Variants in RAD51B observed in about 807,000 individuals in gnomAD.
RAD51B encodes RAD51 paralog B.
A neutral mutation model predicts 42.2 loss-of-function variants in RAD51B; 38 were observed. The observed-to-expected ratio is 0.90, with a 90% confidence interval of 0.70 to 1.18. The LOEUF is 1.18. Ranked by LOEUF, RAD51B falls within the 50% of genes most tolerant of loss-of-function variation. The pLI is 0.00. For missense variants in RAD51B, 373 were observed against 400.7 expected (o/e 0.93, Z 0.59); for synonymous variants, 154 against 145.2 (o/e 1.06, Z -0.43).
chr14:68,072,070 A>AATATATAAATATATAAAT (rs2076754218), intron 7 of RAD51B, among the ~76,000 whole-genome samples: 1 of 104,702 alleles, frequency 9.6e-6, no homozygotes, highest in African/African-American at 5.0e-5. Flanking sequence ...TATTTATATA[A>AATATATAAATATATAAAT]ATATATAAAT....
At chr14:68,163,042 C>T (rs962730020) in intron 7 of RAD51B, among the ~76,000 whole-genome samples, 6 of 152,294 alleles carry the variant, frequency 3.9e-5, no homozygotes, top group Admixed American at 2.0e-4. Flanking sequence ...TGTCTGACTC[C>T]TTGAGACTTG....
At chr14:68,436,952 T>C (rs1272556942) in intron 9 of RAD51B, among the ~76,000 whole-genome samples, 1 of 152,204 alleles carries the variant, frequency 6.6e-6, no homozygotes, top group East Asian at 1.9e-4. Flanking sequence ...TATGATCATA[T>C]TGTCAGTAAA....
At chr14:67,885,770 A>C (rs1001781259) in intron 5 of RAD51B, 99 bp from the exon 6 acceptor site, 2 of 1,422,236 alleles carry the variant, frequency 1.4e-6, no homozygotes, top group Non-Finnish European at 1.9e-6. Context: ...TCTATTGATA[A>C]GGCTTAGGAG....
intron 8 of RAD51B, among the ~76,000 whole-genome samples, chr14:68,298,808 A>T (rs926768501): frequency 6.6e-6 from 1 of 152,156 alleles, no homozygotes; most frequent in African/African-American, 2.4e-5. Context: ...ATGCTATACC[A>T]AGGGCGAGAG....
chr14:67,897,850 C>A (rs1262780630), intron 7 of RAD51B, among the ~76,000 whole-genome samples: 3 of 152,096 alleles, frequency 2.0e-5, no homozygotes, highest in African/African-American at 7.2e-5. Flanking sequence ...TGAGGTTTCA[C>A]CATGTTGGTC....
At chr14:68,195,921 AAAAAC>A (rs2079361422) in intron 7 of RAD51B, among the ~76,000 whole-genome samples, 1 of 133,150 alleles carries the variant, frequency 7.5e-6, no homozygotes. Flanking sequence ...AAAAAAAAAA[AAAAAC>A]AACAATTAGG....
downstream of RAD51B, among the ~76,000 whole-genome samples, chr14:68,479,054 G>A (rs532910190): frequency 6.6e-6 from 1 of 152,280 alleles, no homozygotes; most frequent in East Asian, 1.9e-4. Flanking sequence ...GAAGGTATTG[G>A]TGTGCTGTGC....
At chr14:68,158,104 C>G (rs2078554889) in intron 7 of RAD51B, among the ~76,000 whole-genome samples, 1 of 152,210 alleles carries the variant, frequency 6.6e-6, no homozygotes, top group Non-Finnish European at 1.5e-5. Context: ...TCTCACCACA[C>G]CCTTCACACA....
At chr14:68,152,994 G>T (rs1333793488) in intron 7 of RAD51B, among the ~76,000 whole-genome samples, 1 of 152,006 alleles carries the variant, frequency 6.6e-6, no homozygotes, top group Non-Finnish European at 1.5e-5. Flanking sequence ...TCTTTTTCCA[G>T]TCTGCCATTT....
chr14:67,904,077 A>G (rs1011543828), intron 7 of RAD51B, among the ~76,000 whole-genome samples: 2 of 152,060 alleles, frequency 1.3e-5, no homozygotes, highest in Non-Finnish European at 2.9e-5. Context: ...GCTGCAAAGG[A>G]CATGATTTAT....
At chr14:68,310,359 A>T (rs2081946180) in intron 8 of RAD51B, among the ~76,000 whole-genome samples, 1 of 152,188 alleles carries the variant, frequency 6.6e-6, no homozygotes, top group Non-Finnish European at 1.5e-5. Context: ...TTATCACCTG[A>T]TATGAATTTT....
chr14:68,121,131 C>T (rs551667284), intron 7 of RAD51B, among the ~76,000 whole-genome samples: 235 of 152,206 alleles, frequency 1.5e-3, no homozygotes, highest in African/African-American at 5.2e-3. Flanking sequence ...TTTTTTCTCT[C>T]GTGTTTCAAG....
chr14:68,363,046 C>A (rs58339869), intron 8 of RAD51B, among the ~76,000 whole-genome samples: 68,113 of 149,020 alleles, frequency 0.46, 16,914 homozygotes, highest in East Asian at 0.6. Context: ...ATAGGCGGAG[C>A]CTTTGTGCAC....
chr14:68,142,988 A>G (rs1283565087), intron 7 of RAD51B, among the ~76,000 whole-genome samples: 1 of 149,404 alleles, frequency 6.7e-6, no homozygotes, highest in Non-Finnish European at 1.5e-5. Context: ...CTCTGTCTCA[A>G]GGAAAAAAAA....
intron 10 of RAD51B, among the ~76,000 whole-genome samples, chr14:68,518,556 C>G (rs1182010011): frequency 2.1e-5 from 2 of 96,864 alleles, no homozygotes; most frequent in African/African-American, 2.8e-5. Context: ...TCATATGAGC[C>G]CCCCCCCCAG....
Position 68,610,646 on chromosome 14 carries a change from T to C in RAD51B, c.1037-360T>C, listed in dbSNP as rs115944627. Among the ~76,000 whole-genome samples the C allele has an allele frequency of 7.4e-3, 1,132 of 152,294 alleles. 17 individuals carry two copies. The highest frequency in any genetic ancestry group is 0.026 in the African/African-American group (1,066 of 41,558). On this transcript the variant is annotated intron_variant, in intron 10 of 10. Coordinates refer to the RAD51B transcript ENST00000487861. ...GAACTGACCCTCTGCACCTACCCAG[T>C]CTTCTGGTCCCTCTTTTTGTTCGCC...
rs777135270 is a variant in RAD51B, at chr14:68,291,955, A to T, written c.828A>T (p.Pro276=). 10 of 1,613,382 alleles carry T rather than the reference A, an allele frequency of 6.2e-6. No individual in the cohort carries two copies. The highest frequency in any genetic ancestry group is 2.7e-5 in the African/African-American group (2 of 74,788). Residue 276 remains proline (P), a synonymous_variant, in exon 8 of 11, where the codon CCA becomes CCT. Transcript: ENST00000471583. ...ALASQADLVS[P]ADDLSLSEGT... ...CTTCTCAGGCAGACCTGGTGTCTCC[A>T]GCTGATGATTTGTCCCTGTCTGAAG...
intron 7 of RAD51B, among the ~76,000 whole-genome samples, chr14:68,127,424 G>A (rs2077786726): frequency 6.6e-6 from 1 of 152,130 alleles, no homozygotes; most frequent in South Asian, 2.1e-4. Flanking sequence ...TCCTCCATCT[G>A]TATTAACCCA....
At chr14:68,023,499 G>C (rs2075902818) in intron 7 of RAD51B, among the ~76,000 whole-genome samples, 1 of 152,036 alleles carries the variant, frequency 6.6e-6, no homozygotes, top group Non-Finnish European at 1.5e-5. Context: ...GCTAATTTTT[G>C]TATTTTTAGT....
Sources: allele counts gnomAD v4.1 joint callset (sites outside exome capture counted in the v4.1 genomes callset), GRCh38; gene constraint gnomAD v4.1.1; transcripts MANE v1.5; gene names NCBI Gene and HGNC (gene_info 2026-07-23, HGNC 2026-07-21).